The following EDIL3 variants were observed in gnomAD, a reference collection of about 807,000 sequenced individuals.
The protein encoded by EDIL3 is EGF like and discoidin domains 3, also known as EGF-like repeat and discoidin I-like domain-containing protein 3.
EDIL3 carries 37 observed loss-of-function variants against 67.4 expected under a neutral mutation model. The observed-to-expected ratio is 0.55, with a 90% CI of 0.42 to 0.72. The LOEUF is 0.72. Ranked by LOEUF, EDIL3 falls within the 30% of genes least tolerant of loss-of-function variation. The pLI, the probability that EDIL3 is intolerant of heterozygous loss-of-function variation, is 0.00. For synonymous variants in EDIL3, 195 were observed against 196.3 expected, an observed-to-expected ratio of 0.99 and a Z score of 0.05; for missense variants, 527 against 586.3, an observed-to-expected ratio of 0.90 and a Z score of 1.04.
intron 1 of EDIL3, among the ~76,000 whole-genome samples, chr5:84,255,413 G>C (rs1296691154): frequency 6.6e-6 from 1 of 152,148 alleles, no homozygotes; most frequent in African/African-American, 2.4e-5. Context: ...CACTGATTAA[G>C]TCTGGAGTAA....
At chr5:84,020,074 T>C (rs1202198932) in intron 9 of EDIL3, among the ~76,000 whole-genome samples, 3 of 15,448 alleles carry the variant, frequency 1.9e-4, no homozygotes, top group Admixed American at 7.0e-4. Context: ...TTATCTTTTG[T>C]ACAAAAAAAA....
At chr5:84,224,656 T>C (rs114175283) in intron 3 of EDIL3, among the ~76,000 whole-genome samples, 112 of 151,602 alleles carry the variant, frequency 7.4e-4, no homozygotes, top group African/African-American at 2.6e-3. Context: ...AATTTCAAAG[T>C]TGTAATCTTA....
intron 9 of EDIL3, among the ~76,000 whole-genome samples, chr5:84,042,174 T>C (rs1355040056): frequency 1.3e-5 from 2 of 152,186 alleles, no homozygotes; most frequent in Admixed American, 6.5e-5. Flanking sequence ...AAATTAATAA[T>C]GTAATTAATA....
Position 84,384,777 on chromosome 5 carries a change from GC to G in EDIL3, c.-404del, listed in dbSNP as rs1263860815. On this transcript the variant is annotated 5_prime_UTR_variant, in exon 1 of 11. Coordinates refer to ENST00000296591, the MANE Select transcript of EDIL3 (RefSeq NM_005711.5). Reference sequence around the variant, plus strand: ...CTCGGCTGTCGCTGTTCTCCGCGCGGCGGCTGCGGGGCTTCTGACTTGGAGA... The same window carrying G: ...CTCGGCTGTCGCTGTTCTCCGCGCGGGGCTGCGGGGCTTCTGACTTGGAGA... 6.5e-6 allele frequency: 1 copy of G among 152,828 alleles called. No individual in the cohort carries two copies. Among genetic ancestry groups the G allele is most frequent in the Non-Finnish European group, 1.5e-5 (1 of 68,616 alleles). 9.5% of individuals were successfully genotyped at this position (152,828 alleles called of 1,614,324 possible). A position where few individuals can be genotyped will look rare whatever the true frequency, so the allele number is the denominator to read the frequency against.
At chr5:84,304,256 A>T (rs1746221319) in intron 1 of EDIL3, among the ~76,000 whole-genome samples, 1 of 152,206 alleles carries the variant, frequency 6.6e-6, no homozygotes, top group African/African-American at 2.4e-5. Context: ...TTTTAACATA[A>T]TGTAACATGT....
intron 3 of EDIL3, among the ~76,000 whole-genome samples, chr5:84,192,008 C>T (rs1395874662): frequency 6.6e-6 from 1 of 151,946 alleles, no homozygotes; most frequent in Non-Finnish European, 1.5e-5. Flanking sequence ...TCAAGCTTTT[C>T]GAAATAGTTT....
At chr5:84,073,785 T>C (rs1276706499) in intron 6 of EDIL3, among the ~76,000 whole-genome samples, 8 of 152,170 alleles carry the variant, frequency 5.3e-5, no homozygotes, top group East Asian at 1.9e-4. Context: ...AGGTAATTTA[T>C]AGATTCAATG....
chr5:84,066,660 C>A, intron 6 of EDIL3, 54 bp from the exon 7 acceptor site: 1 of 1,560,372 alleles, frequency 6.4e-7, no homozygotes, highest in East Asian at 2.3e-5. Context: ...GATAACAATA[C>A]TGAAAATACG....
chr5:83,995,197 C>T (rs1286155154), intron 9 of EDIL3, among the ~76,000 whole-genome samples: 1 of 149,628 alleles, frequency 6.7e-6, no homozygotes, highest in Non-Finnish European at 1.5e-5. Context: ...ATTCTAGAGA[C>T]AACACTTCAT....
chr5:84,112,919 T>C (rs948674319), intron 5 of EDIL3, among the ~76,000 whole-genome samples: 6 of 152,220 alleles, frequency 3.9e-5, no homozygotes, highest in African/African-American at 9.6e-5. Context: ...TTTGTATACT[T>C]CATTTTTAAT....
chr5:84,019,069 CATGCTGCTATAA>C (rs1056213181), intron 9 of EDIL3, among the ~76,000 whole-genome samples: 3 of 152,156 alleles, frequency 2.0e-5, no homozygotes, highest in Non-Finnish European at 4.4e-5. Flanking sequence ...GATTATAAAT[CATGCTGCTATAA>C]AGACACATGC....
At chr5:84,248,503 T>A (rs1268618800) in intron 2 of EDIL3, among the ~76,000 whole-genome samples, 1 of 152,198 alleles carries the variant, frequency 6.6e-6, no homozygotes, top group Non-Finnish European at 1.5e-5. Context: ...GTCTAGCTCT[T>A]CTATTCTTTG....
intron 1 of EDIL3, among the ~76,000 whole-genome samples, chr5:84,377,969 T>C (rs1028065760): frequency 1.3e-5 from 2 of 152,236 alleles, no homozygotes; most frequent in South Asian, 4.1e-4. Flanking sequence ...TAATAATGCA[T>C]ATTTTAAAAC....
intron 5 of EDIL3, among the ~76,000 whole-genome samples, chr5:84,125,908 G>A (rs1007484510): frequency 6.6e-6 from 1 of 152,002 alleles, no homozygotes; most frequent in East Asian, 1.9e-4. Context: ...CTGAGCAGCA[G>A]GTGATGGGGA....
At chr5:83,982,896 C>CA (rs1159208728) in intron 9 of EDIL3, among the ~76,000 whole-genome samples, 1 of 152,128 alleles carries the variant, frequency 6.6e-6, no homozygotes, top group Non-Finnish European at 1.5e-5. Context: ...TTGGACCCTA[C>CA]AAAAGGGCTC....
chr5:84,126,200 A>G (rs1437711231), intron 5 of EDIL3, among the ~76,000 whole-genome samples: 3 of 152,088 alleles, frequency 2.0e-5, no homozygotes, highest in African/African-American at 7.2e-5. Flanking sequence ...GGAGCTAGAG[A>G]ACAAAATTCA....
At chr5:84,111,326 T>C (rs1747561085) in intron 5 of EDIL3, among the ~76,000 whole-genome samples, 2 of 152,208 alleles carry the variant, frequency 1.3e-5, no homozygotes, top group Admixed American at 1.3e-4. Flanking sequence ...CTACAGTTTA[T>C]AGTGTGTCTG....
chr5:84,249,409 A>G (rs1163402021), intron 2 of EDIL3, among the ~76,000 whole-genome samples: 1 of 151,362 alleles, frequency 6.6e-6, no homozygotes, highest in African/African-American at 2.4e-5. Flanking sequence ...CTATCTATCT[A>G]TCTATCTATC....
intron 9 of EDIL3, among the ~76,000 whole-genome samples, chr5:83,969,825 T>TA (rs1298253745): frequency 6.6e-6 from 1 of 151,902 alleles, no homozygotes; most frequent in Non-Finnish European, 1.5e-5. Context: ...GATGTTTCCA[T>TA]ACTGCAATGT....
Sources: allele counts gnomAD v4.1 joint callset (sites outside exome capture counted in the v4.1 genomes callset), GRCh38; gene constraint gnomAD v4.1.1; transcripts MANE v1.5; gene names NCBI Gene and HGNC (gene_info 2026-07-23, HGNC 2026-07-21).